The following MSH3 variants were observed in gnomAD, a reference collection of about 807,000 sequenced individuals.
The protein encoded by MSH3 is DNA mismatch repair protein Msh3.
Under a neutral mutation model 123.3 loss-of-function variants are expected in MSH3, and 106 were observed. The observed-to-expected ratio is 0.86, with a 90% CI of 0.73 to 1.01. The LOEUF (loss-of-function observed/expected upper bound fraction) is 1.01. Ranked by LOEUF, MSH3 falls within the 50% of genes least tolerant of loss-of-function variation. The pLI is 0.00. For missense variants in MSH3, 1,459 were observed against 1,347.6 expected, an observed-to-expected ratio of 1.08 and a Z score of -1.29; for synonymous variants, 515 against 481.4, an observed-to-expected ratio of 1.07 and a Z score of -0.91.
chr5:80,870,812 A>G (rs1746199306), intron 22 of MSH3, among the ~76,000 whole-genome samples: 1 of 152,228 alleles, frequency 6.6e-6, no homozygotes, highest in African/African-American at 2.4e-5. Flanking sequence ...AAGCATACAC[A>G]TCTATCAAAT....
At chr5:80,768,687 AAAACAAATCCAT>A in intron 14 of MSH3, 136 bp from the exon 15 acceptor site, 1 of 668,226 alleles carries the variant, frequency 1.5e-6, no homozygotes, top group Non-Finnish European at 2.6e-6. Context: ...GAGAAGTTAA[AAAACAAATCCAT>A]AAGTGCTTAG....
intron 8 of MSH3, among the ~76,000 whole-genome samples, chr5:80,708,584 T>C (rs1038667732): frequency 1.3e-5 from 2 of 151,940 alleles, no homozygotes; most frequent in South Asian, 2.1e-4. Flanking sequence ...CTGCAAGTAG[T>C]TGGGGTACAG....
intron 8 of MSH3, among the ~76,000 whole-genome samples, chr5:80,695,075 G>GT (rs1301108997): frequency 5.1e-5 from 6 of 118,762 alleles, no homozygotes; most frequent in African/African-American, 9.7e-5. Context: ...TGGTGGTGGT[G>GT]TTTTTTTTGT....
intron 8 of MSH3, among the ~76,000 whole-genome samples, chr5:80,713,947 T>C (rs1750905803): frequency 6.6e-6 from 1 of 152,106 alleles, no homozygotes; most frequent in South Asian, 2.1e-4. Flanking sequence ...TCCCACAGAC[T>C]ACAGTTTGAG....
At chr5:80,792,569 T>C (rs1303193328) in intron 18 of MSH3, among the ~76,000 whole-genome samples, 164 bp from the exon 19 acceptor site, 1 of 152,190 alleles carries the variant, frequency 6.6e-6, no homozygotes, top group Non-Finnish European at 1.5e-5. Flanking sequence ...AATTTAACTT[T>C]TATACTCAAG....
intron 20 of MSH3, among the ~76,000 whole-genome samples, chr5:80,847,974 G>A (rs1469704419): frequency 6.6e-6 from 1 of 152,214 alleles, no homozygotes; most frequent in Non-Finnish European, 1.5e-5. Flanking sequence ...GCTCACGCTT[G>A]TAATCCAAGT....
intron 22 of MSH3, among the ~76,000 whole-genome samples, chr5:80,872,594 C>T (rs974772022): frequency 6.6e-6 from 1 of 152,148 alleles, no homozygotes; most frequent in African/African-American, 2.4e-5. Flanking sequence ...TTGTTTAAAG[C>T]CAGGAGTTCG....
intron 19 of MSH3, among the ~76,000 whole-genome samples, chr5:80,803,153 T>C (rs1675043650): frequency 6.6e-6 from 1 of 152,190 alleles, no homozygotes; most frequent in African/African-American, 2.4e-5. Context: ...CTGAGGACCT[T>C]TAACTCTTAT....
Position 80,656,441 on chromosome 5 carries a change from C to A in MSH3, c.268C>A (p.Pro90Thr), listed in dbSNP as rs772032731. 18 of 1,614,040 alleles carry A rather than the reference C, an allele frequency of 1.1e-5. No homozygotes were observed. Among genetic ancestry groups the A allele is most frequent in the Middle Eastern group, 3.3e-4 (2 of 6,062 alleles). Residue 90 changes from proline (P) to threonine (T), a missense_variant, in exon 2 of 24, where the codon CCA becomes ACA. Physicochemically the swap from Pro to Thr is conservative, Grantham distance 38 (BLOSUM62 -1). Transcript: ENST00000265081. ...ATEIDRRKKR[P>T]LENDGPVKKK... Reference sequence around the variant, plus strand: ...AGAAATTGACAGAAGAAAGAAGAGACCATTGGAAAATGATGGGCCTGTTAA... The same window carrying A: ...AGAAATTGACAGAAGAAAGAAGAGAACATTGGAAAATGATGGGCCTGTTAA...
rs572312840 is a variant in MSH3, at chr5:80,815,171, C to T, written c.2813+1430C>T. 1.3e-3 allele frequency among the ~76,000 whole-genome samples: 196 copies of T among 152,070 alleles called. 1 individual carries two copies. The highest frequency in any genetic ancestry group is 2.4e-3 in the Non-Finnish European group (163 of 67,968). ...TTTTCATCTGAGAATGAACAAAGTA[C>T]CCTGAATTCTGTTTGATGCCATGTC... is the stretch of plus-strand genomic sequence containing the variant. On this transcript the variant is annotated intron_variant, in intron 20 of 23. Transcript: ENST00000265081.
chr5:80,686,975 G>T (rs1400470835), intron 8 of MSH3, among the ~76,000 whole-genome samples: 1 of 152,098 alleles, frequency 6.6e-6, no homozygotes. Flanking sequence ...GTCTCCAAAG[G>T]ATTTGATATT....
At chr5:80,666,564 A>T (rs1749575697) in intron 3 of MSH3, among the ~76,000 whole-genome samples, 1 of 152,236 alleles carries the variant, frequency 6.6e-6, no homozygotes, top group Non-Finnish European at 1.5e-5. Context: ...CATAAAGTTT[A>T]TCCATTAAAG....
chr5:80,729,413 CAAA>C (rs71603562), intron 10 of MSH3, among the ~76,000 whole-genome samples: 1 of 66,286 alleles, frequency 1.5e-5, no homozygotes, highest in South Asian at 5.4e-4. Flanking sequence ...GACTCCGTCC[CAAA>C]AAAAAAAAAA....
At chr5:80,838,745 T>C (rs961021158) in intron 20 of MSH3, among the ~76,000 whole-genome samples, 1 of 152,174 alleles carries the variant, frequency 6.6e-6, no homozygotes. Flanking sequence ...AGAAAAGTTA[T>C]CCGACTTGCC....
intron 13 of MSH3, among the ~76,000 whole-genome samples, chr5:80,766,997 A>G (rs979366992): frequency 6.6e-6 from 1 of 152,166 alleles, no homozygotes; most frequent in Admixed American, 6.5e-5. Flanking sequence ...TATATGGTAT[A>G]TGATATAAAC....
rs191534003 is a variant in MSH3 at position 80,871,554 on chromosome 5, A to T, written c.3131-1562A>T. 1.9e-4 allele frequency among the ~76,000 whole-genome samples: 29 copies of T among 152,264 alleles called. 1 individual carries two copies. Among genetic ancestry groups the T allele is most frequent in the Admixed American group, 1.6e-3 (25 of 15,308 alleles). On this transcript the variant is annotated intron_variant, in intron 22 of 23. Coordinates refer to ENST00000265081, the MANE Select transcript of MSH3 (RefSeq NM_002439.5). The stretch of plus-strand genomic sequence containing the variant: ...CCAAGCCTCCCAATATCTGCTTCCA[A>T]GCCCACTCATGTGGCTGTTGGCATG...
chr5:80,704,808 C>A (rs934296291), intron 8 of MSH3, among the ~76,000 whole-genome samples: 2 of 152,130 alleles, frequency 1.3e-5, no homozygotes, highest in East Asian at 3.9e-4. Flanking sequence ...GGTAACATAC[C>A]TGAGGCCAGG....
At chr5:80,861,500 T>G (rs1746012545) in intron 21 of MSH3, among the ~76,000 whole-genome samples, 1 of 152,148 alleles carries the variant, frequency 6.6e-6, no homozygotes, top group Admixed American at 6.5e-5. Context: ...AGGCTCCACT[T>G]AAGTAGTTTC....
intron 22 of MSH3, among the ~76,000 whole-genome samples, chr5:80,867,624 T>C (rs1746128674): frequency 6.6e-6 from 1 of 152,216 alleles, no homozygotes; most frequent in African/African-American, 2.4e-5. Context: ...GTGGAATAAA[T>C]GTTGAATTAG....
Sources: gnomAD v4.1 joint callset for allele counts (sites outside exome capture counted in the v4.1 genomes callset) on GRCh38, gnomAD v4.1.1 for gene constraint, MANE v1.5 for transcripts, NCBI Gene and HGNC (gene_info 2026-07-23, HGNC 2026-07-21) for gene names.